The following PODNL1 variants were observed in gnomAD, a reference collection of about 807,000 sequenced individuals.
PODNL1 encodes podocan like 1, also known as podocan-like protein 1.
PODNL1 carries 50 observed loss-of-function variants against 45.1 expected under a neutral mutation model. The ratio of observed to expected loss-of-function variants is 1.11; its 90% CI spans 0.88 to 1.40. The LOEUF is 1.40. PODNL1 is among the 40% of genes most tolerant of loss of function. The pLI is 0.00. For synonymous variants in PODNL1, 406 were observed against 372.5 expected (o/e 1.09, Z -1.04); for missense variants, 788 against 793.3 (o/e 0.99, Z 0.08).
At chr19:13,951,860 T>C (rs1472889018) in intron 1 of PODNL1, among the ~76,000 whole-genome samples, 1 of 152,206 alleles carries the variant, frequency 6.6e-6, no homozygotes, top group African/African-American at 2.4e-5. Flanking sequence ...ATCTGCATAA[T>C]TGGCACAACA....
intron 1 of PODNL1, among the ~76,000 whole-genome samples, chr19:13,947,009 C>T (rs2145462436): frequency 6.7e-6 from 1 of 148,290 alleles, no homozygotes; most frequent in Admixed American, 6.8e-5. Flanking sequence ...TATGATCACA[C>T]CACTGCACTC....
intron 1 of PODNL1, among the ~76,000 whole-genome samples, chr19:13,945,338 C>G (rs986505309): frequency 2.6e-5 from 4 of 151,274 alleles, no homozygotes; most frequent in African/African-American, 9.8e-5. Flanking sequence ...TAGTGAGACC[C>G]TCATCTCTAA....
At position 13,945,643 on chromosome 19, in the gene PODNL1, C is replaced by T. The variant is rs1972791963; in HGVS notation, c.18+7476G>A. Among the ~76,000 whole-genome samples, 3 of 151,898 alleles carry T rather than the reference C, an allele frequency of 2.0e-5. No individual in the cohort carries two copies. In the South Asian group the frequency reaches 6.2e-4, roughly 32 times the overall value. On this transcript the variant is annotated intron_variant, in intron 1 of 7. Coordinates refer to the PODNL1 transcript ENST00000538371. ...TTGGAATTACAGGTGCCTGCCACTG[C>T]GCCCAGCTAATTTTTGTATTTTTAG...
chr19:13,945,875 C>T (rs1304011863), intron 1 of PODNL1, among the ~76,000 whole-genome samples: 1 of 119,722 alleles, frequency 8.4e-6, no homozygotes, highest in Non-Finnish European at 1.7e-5. Flanking sequence ...GGCGACAGAG[C>T]GAGACTCCAT....
chr19:13,952,506 G>T, intron 1 of PODNL1: 1 of 1,251,088 alleles, frequency 8.0e-7, no homozygotes. Context: ...GGAGGGAGGG[G>T]GTGAAAATGG....
Position 13,933,010 on chromosome 19 carries a change from T to A in PODNL1, c.1213A>T (p.Ser405Cys), listed in dbSNP as rs1261047185. The change falls in exon 8 of 10, where the codon AGC (serine) becomes TGC (cysteine). Residue 405 changes from serine (S) to cysteine (C), a missense_variant. Physicochemically the swap from Ser to Cys is moderately radical, Grantham distance 112. Around this residue, in one of 3 missense-constraint regions of PODNL1, gnomAD observed 762 missense variants for 750.9 expected, o/e 1.01. Transcript: ENST00000588872. This position sits in a 1 kb window ranked among gnomAD's most constrained non-coding sequence, Gnocchi z 5.2. ...AGCTGATTCCCTGCCAGGTCGAGGC[T>A]GCGCAGGGCACGCAACCGGCGGAAG... ...RAFRRLRALRSLDLAGNQLTR... is the reference protein window; with the variant it reads ...RAFRRLRALRCLDLAGNQLTR... 1 of 1,542,152 alleles carries A rather than the reference T, an allele frequency of 6.5e-7. No individual in the cohort carries two copies. Among genetic ancestry groups the A allele is most frequent in the South Asian group, 1.2e-5 (1 of 84,592 alleles).
In PODNL1 at chr19:13,932,974, G is replaced by A. The variant is rs1472444383; in HGVS notation, c.1249C>T (p.Pro417Ser). The A allele has an allele frequency of 6.4e-7, 1 of 1,553,720 alleles. No individual in the cohort carries two copies. Among genetic ancestry groups the A allele is most frequent in the Non-Finnish European group, 8.7e-7 (1 of 1,155,184 alleles). Reference sequence around the variant, plus strand: ...CGCAGGCCAGTGGGCAGGCCCATGGGCAGCCGGGTTAGCTGATTCCCTGCC... The same window carrying A: ...CGCAGGCCAGTGGGCAGGCCCATGGACAGCCGGGTTAGCTGATTCCCTGCC... ...DLAGNQLTRL[P>S]MGLPTGLRTL... is the part of the protein sequence containing the mutation. The change falls in exon 8 of 10, where the codon CCC becomes TCC. Residue 417 changes from proline (P) to serine (S), a missense_variant. By Grantham distance (74) the Pro-to-Ser change is moderately conservative (BLOSUM62 -1). Transcript: ENST00000588872.
At chr19:13,945,568 C>A (rs1322903969) in intron 1 of PODNL1, among the ~76,000 whole-genome samples, 2 of 151,546 alleles carry the variant, frequency 1.3e-5, no homozygotes, top group Non-Finnish European at 2.9e-5. Flanking sequence ...CTCACTGCAA[C>A]CTCTATCCCC....
At chr19:13,946,427 C>T (rs1386701226) in intron 1 of PODNL1, among the ~76,000 whole-genome samples, 1 of 138,790 alleles carries the variant, frequency 7.2e-6, no homozygotes, top group East Asian at 2.2e-4. Flanking sequence ...AAAACTCTGT[C>T]TTGGAAAAAA....
At chr19:13,935,862 C>A in intron 4 of PODNL1, 32 bp from the exon 5 acceptor site, 2 of 1,577,936 alleles carry the variant, frequency 1.3e-6, no homozygotes. Context: ...CCGGACTGGT[C>A]CTGGTGCGCC....
intron 1 of PODNL1, chr19:13,953,081 C>T (rs1166233540): frequency 6.4e-7 from 1 of 1,550,660 alleles, no homozygotes; most frequent in East Asian, 2.5e-5. Context: ...CTCTCCCTGC[C>T]CAAGCCCCGA....
intron 5 of PODNL1, among the ~76,000 whole-genome samples, chr19:13,935,198 T>G (rs1423023776): frequency 6.6e-6 from 1 of 152,118 alleles, no homozygotes. Flanking sequence ...TCTGGAGTTC[T>G]GACACAGCAT....
rs368441332 is a variant in PODNL1, at chr19:13,945,900, C to A, written c.18+7219G>T. Among the ~76,000 whole-genome samples the A allele has an allele frequency of 1.2e-3, 154 of 124,580 alleles. 1 individual carries two copies. Among genetic ancestry groups the A allele is most frequent in the Middle Eastern group, 8.5e-3 (2 of 234 alleles). 81.7% of individuals were successfully genotyped at this position (124,580 alleles called of 152,430 possible). ...CGAGACTCCATTAAAAAAAAAAAAACAAACTTTTTAATTAGCTGGGCACAG... is the reference window on the plus strand; with the variant it reads ...CGAGACTCCATTAAAAAAAAAAAAAAAAACTTTTTAATTAGCTGGGCACAG... On this transcript the variant is annotated intron_variant, in intron 1 of 7. Transcript: ENST00000538371.
Position 13,931,262 on chromosome 19 carries a change from G to A in PODNL1, c.*475C>T, listed in dbSNP as rs776777461. The A allele has an allele frequency of 1.3e-5, 2 of 155,982 alleles. No homozygotes were observed. Among genetic ancestry groups the A allele is most frequent in the Non-Finnish European group, 2.8e-5 (2 of 70,784 alleles). 9.7% of individuals were successfully genotyped at this position (155,982 alleles called of 1,614,324 possible). On this transcript the variant is annotated 3_prime_UTR_variant, in exon 10 of 10. Transcript: ENST00000588872. ...AGGGTCCCTATATCTGTCACCCAGT[G>A]TTTTTTCAGTGGGTGGCCTTGGGCG...
In PODNL1 at chr19:13,934,369, AG is replaced by A. The variant is rs1431230945; in HGVS notation, c.535del (p.Leu179CysfsTer51). ...GGAGCCGCGGAAGGCGTCGGGGGGC[AG>A]GCCAGCGTTGCTCAGCTGGTTGTTG... is the stretch of plus-strand genomic sequence containing the variant. ...LHNNQLSNAGLPPDAFRGSEA... is the reference protein window; with the variant it reads ...LHNNQLSNAGXPPDAFRGSEA... On this transcript the variant is annotated frameshift_variant, in exon 6 of 10. Coordinates refer to ENST00000588872, the MANE Select transcript of PODNL1 (RefSeq NM_001370095.3). LOFTEE classifies it high-confidence loss of function. The A allele has an allele frequency of 1.9e-6, 3 of 1,553,400 alleles. No homozygotes were observed. In the Admixed American group the frequency reaches 6.1e-5, roughly 32 times the overall value.
upstream of PODNL1, among the ~76,000 whole-genome samples, chr19:13,941,909 G>C (rs1242721615): frequency 6.6e-6 from 1 of 152,192 alleles, no homozygotes; most frequent in Non-Finnish European, 1.5e-5. Flanking sequence ...TCTTCATGGG[G>C]TGAGACAGGA....
chr19:13,945,758 T>G (rs188696215), intron 1 of PODNL1, among the ~76,000 whole-genome samples: 1 of 151,942 alleles, frequency 6.6e-6, no homozygotes, highest in Non-Finnish European at 1.5e-5. Context: ...GTGTTGGGAT[T>G]ACAGGCGTAA....
At chr19:13,952,412 G>A in intron 1 of PODNL1, 1 of 1,232,158 alleles carries the variant, frequency 8.1e-7, no homozygotes, top group Non-Finnish European at 1.0e-6. Context: ...GCGGGCTTTC[G>A]CCCAACCGGC....
intron 1 of PODNL1, among the ~76,000 whole-genome samples, chr19:13,946,771 G>A (rs1391549700): frequency 6.6e-6 from 1 of 152,000 alleles, no homozygotes. Flanking sequence ...GGGAAATCTT[G>A]GCTAGGTGCA....
Sources: gnomAD v4.1 joint callset for allele counts (sites outside exome capture counted in the v4.1 genomes callset) on GRCh38, gnomAD v4.1.1 for gene constraint, gnomAD v4.1.1 regional missense constraint, Gnocchi (gnomAD v3.1) non-coding constraint, MANE v1.5 for transcripts, NCBI Gene and HGNC (gene_info 2026-07-23, HGNC 2026-07-21) for gene names.